The following SNX29 variants were observed in gnomAD, a reference collection of about 807,000 sequenced individuals.
SNX29 encodes sorting nexin-29.
Under a neutral mutation model 102.1 loss-of-function variants are expected in SNX29, and 78 were observed. The observed-to-expected ratio is 0.76, with a 90% CI of 0.64 to 0.92. SNX29 has a LOEUF of 0.92. Ranked by LOEUF, SNX29 falls within the 40% of genes least tolerant of loss-of-function variation. The pLI, the probability that SNX29 is intolerant of heterozygous loss-of-function variation, is 0.00. For missense variants in SNX29, 1,280 were observed against 1,061.7 expected (o/e 1.21, Z -2.86); for synonymous variants, 580 against 414.5 (o/e 1.40, Z -4.85).
chr16:12,110,032 G>A (rs1030826052), intron 11 of SNX29, among the ~76,000 whole-genome samples: 11 of 152,176 alleles, frequency 7.2e-5, no homozygotes, highest in South Asian at 4.1e-4. Context: ...CCCGGCCCTC[G>A]TCTTTAAAAT....
intron 15 of SNX29, among the ~76,000 whole-genome samples, chr16:12,291,930 C>T (rs2079810309): frequency 6.6e-6 from 1 of 152,118 alleles, no homozygotes; most frequent in Non-Finnish European, 1.5e-5. Flanking sequence ...AAGAATCAGC[C>T]CTCTCCCTTG....
chr16:12,022,733 G>A (rs890888225), intron 3 of SNX29, among the ~76,000 whole-genome samples: 1 of 152,062 alleles, frequency 6.6e-6, no homozygotes, highest in Non-Finnish European at 1.5e-5. Context: ...GAGTCAAAAA[G>A]TCATAAATTG....
chr16:12,057,888 G>A (rs972194497), intron 8 of SNX29, among the ~76,000 whole-genome samples: 1 of 151,178 alleles, frequency 6.6e-6, no homozygotes, highest in South Asian at 2.1e-4. Context: ...CACAATCTTG[G>A]CTCACTGCAA....
At chr16:12,214,697 T>C (rs1309850445) in intron 14 of SNX29, among the ~76,000 whole-genome samples, 1 of 152,060 alleles carries the variant, frequency 6.6e-6, no homozygotes, top group Non-Finnish European at 1.5e-5. Context: ...TCCGTAGAAA[T>C]AGACTCCCTC....
intron 19 of SNX29, among the ~76,000 whole-genome samples, chr16:12,506,977 C>G (rs538804367): frequency 6.6e-6 from 1 of 152,180 alleles, no homozygotes; most frequent in Non-Finnish European, 1.5e-5. Context: ...AAGACCATGT[C>G]TTGTATGCTT....
chr16:12,512,730 C>G (rs1274923857), intron 19 of SNX29, among the ~76,000 whole-genome samples: 1 of 152,056 alleles, frequency 6.6e-6, no homozygotes, highest in Non-Finnish European at 1.5e-5. Flanking sequence ...TCAGGGACAA[C>G]TAGGTGCTGT....
chr16:12,068,681 A>G (rs2051151938), intron 9 of SNX29, among the ~76,000 whole-genome samples: 1 of 152,046 alleles, frequency 6.6e-6, no homozygotes, highest in Non-Finnish European at 1.5e-5. Flanking sequence ...AGTAGTTGGG[A>G]TTACAGTCGT....
intron 11 of SNX29, among the ~76,000 whole-genome samples, chr16:12,111,034 A>G (rs1464019985): frequency 6.6e-6 from 1 of 151,662 alleles, no homozygotes; most frequent in Non-Finnish European, 1.5e-5. Flanking sequence ...GTTGCCTCAA[A>G]CTCCTAGCCT....
chr16:12,114,027 CTG>C (rs1296098188), intron 11 of SNX29, among the ~76,000 whole-genome samples: 4 of 152,226 alleles, frequency 2.6e-5, no homozygotes, highest in Non-Finnish European at 4.4e-5. Flanking sequence ...CAGTCCTTGT[CTG>C]TTACTTGCCG....
At chr16:12,412,301 A>G (rs1301899635) in intron 18 of SNX29, among the ~76,000 whole-genome samples, 1 of 152,228 alleles carries the variant, frequency 6.6e-6, no homozygotes, top group Non-Finnish European at 1.5e-5. Context: ...GTCATGCACA[A>G]GATCTGCCTC....
chr16:12,429,324 C>G (rs187210871), intron 18 of SNX29, among the ~76,000 whole-genome samples: 166 of 152,380 alleles, frequency 1.1e-3, no homozygotes, highest in African/African-American at 3.8e-3. Flanking sequence ...AATCCCAACA[C>G]ATAGATACGA....
chr16:12,434,773 G>A (rs1415943670), intron 18 of SNX29, among the ~76,000 whole-genome samples: 1 of 152,096 alleles, frequency 6.6e-6, no homozygotes, highest in Non-Finnish European at 1.5e-5. Flanking sequence ...AGTCCCATGA[G>A]CACACTGATG....
rs989217706 is a variant in SNX29 at position 12,098,441 on chromosome 16, T to C, written c.1402+19526T>C. ...CAGTTGAATAGGGGGTTGGGCATAC[T>C]GGAGCTCCCACTTGCAGTGGCCACC... On this transcript the variant is annotated intron_variant, in intron 11 of 20. Transcript: ENST00000566228. This position sits in a 1 kb window ranked among gnomAD's most constrained non-coding sequence, Gnocchi z 6.0. Among the ~76,000 whole-genome samples, 1 of 152,194 alleles carries C rather than the reference T, an allele frequency of 6.6e-6. No homozygotes were observed. Among genetic ancestry groups the C allele is most frequent in the East Asian group, 1.9e-4 (1 of 5,186 alleles).
intron 20 of SNX29, among the ~76,000 whole-genome samples, chr16:12,537,259 T>C (rs561899509): frequency 3.9e-5 from 6 of 152,308 alleles, no homozygotes; most frequent in South Asian, 2.1e-4. Context: ...ATGTACCTTC[T>C]TTTCACCTCA....
intron 14 of SNX29, among the ~76,000 whole-genome samples, chr16:12,222,007 A>G (rs1413890989): frequency 6.6e-6 from 1 of 152,200 alleles, no homozygotes; most frequent in Non-Finnish European, 1.5e-5. Context: ...CACGTTAGGT[A>G]GAGAGGATGA....
intron 20 of SNX29, among the ~76,000 whole-genome samples, chr16:12,554,675 T>C (rs79862059): frequency 0.015 from 2,331 of 152,318 alleles, 54 homozygotes; most frequent in African/African-American, 0.052. Context: ...ACCACAGGGA[T>C]GCCAATTCTC....
At chr16:12,316,972 A>T (rs1459921073) in intron 15 of SNX29, among the ~76,000 whole-genome samples, 2 of 152,254 alleles carry the variant, frequency 1.3e-5, no homozygotes, top group Non-Finnish European at 2.9e-5. Flanking sequence ...GCAGGAGCCC[A>T]TCACAGAGGG....
At chr16:12,360,814 C>A (rs1335146117) in intron 16 of SNX29, among the ~76,000 whole-genome samples, 1 of 152,148 alleles carries the variant, frequency 6.6e-6, no homozygotes, top group Non-Finnish European at 1.5e-5. Context: ...CTGTTGTATA[C>A]TAAGAACCCT....
At chr16:12,202,124 C>T (rs922010684) in intron 14 of SNX29, among the ~76,000 whole-genome samples, 2 of 152,168 alleles carry the variant, frequency 1.3e-5, no homozygotes, top group African/African-American at 4.8e-5. Context: ...TCTCTTACTT[C>T]TGCATTATTA....
Sources: gnomAD v4.1 joint callset for allele counts (sites outside exome capture counted in the v4.1 genomes callset) on GRCh38, gnomAD v4.1.1 for gene constraint, Gnocchi (gnomAD v3.1) non-coding constraint, MANE v1.5 for transcripts, NCBI Gene and HGNC (gene_info 2026-07-23, HGNC 2026-07-21) for gene names.